TRIT1: variants seen among roughly 807,000 people sequenced by gnomAD.
TRIT1 encodes tRNA dimethylallyltransferase.
TRIT1 carries 43 observed loss-of-function variants against 51.2 expected under a neutral mutation model. The ratio of observed to expected loss-of-function variants is 0.84; its 90% CI spans 0.66 to 1.08. The LOEUF is 1.08. Among genes scored for constraint, TRIT1 ranks in the 50% least tolerant of loss-of-function variants. The probability of loss-of-function intolerance (pLI) is 0.00; values close to 1 mark genes in which losing one functional copy is unlikely to be tolerated. For synonymous variants in TRIT1, 184 were observed against 203.9 expected (o/e 0.90, Z 0.83); for missense variants, 528 against 578.4 (o/e 0.91, Z 0.89).
chr1:39,869,313 C>T (rs905705291), intron 1 of TRIT1, among the ~76,000 whole-genome samples: 2 of 152,224 alleles, frequency 1.3e-5, no homozygotes, highest in African/African-American at 4.8e-5. Flanking sequence ...CCGTGTTGGC[C>T]GGGCTGGTCT....
intron 1 of TRIT1, among the ~76,000 whole-genome samples, chr1:39,865,621 G>T (rs566578080): frequency 1.4e-5 from 2 of 142,220 alleles, no homozygotes; most frequent in South Asian, 4.4e-4. Flanking sequence ...CAGATCACTG[G>T]AGCCCAAAGT....
chr1:39,850,154 T>C lies in TRIT1; in HGVS notation c.668A>G (p.Asn223Ser). 1 of 1,614,110 alleles carries C rather than the reference T, an allele frequency of 6.2e-7. No individual in the cohort carries two copies. Among genetic ancestry groups the C allele is most frequent in the Non-Finnish European group, 8.5e-7 (1 of 1,180,012 alleles). Residue 223 changes from asparagine to serine, a missense_variant, in exon 5 of 11, where the codon AAC (asparagine) becomes AGC (serine). Physicochemically the swap from Asn to Ser is conservative, Grantham distance 46. Transcript: ENST00000316891. ...AGCATGAAGCCAAAGGATGCAAGGG[T>C]TAGAGAACTTCAGAGGACCTCCAAG... ...GPLGGPLKFS[N>S]PCILWLHADQ...
At chr1:39,873,543 A>C (rs953877054) in intron 1 of TRIT1, among the ~76,000 whole-genome samples, 1 of 152,232 alleles carries the variant, frequency 6.6e-6, no homozygotes, top group African/African-American at 2.4e-5. Flanking sequence ...CCTGAAATGG[A>C]AAAGGGACAT....
rs1009368822 is a variant in TRIT1 at position 39,852,480 on chromosome 1, C to A, written c.560+251G>T. 17 of 410,506 alleles carry A rather than the reference C, an allele frequency of 4.1e-5. No individual in the cohort carries two copies. In the Admixed American group the frequency reaches 7.1e-4, roughly 17 times the overall value. The allele number at this position is 410,506 out of a possible 1,614,324, so 25.4% of individuals were successfully genotyped here. A position where few individuals can be genotyped will look rare whatever the true frequency, so the allele number is the denominator to read the frequency against. On this transcript the variant is annotated intron_variant, in intron 4 of 10. Transcript: ENST00000316891. ...AAAGATCAAATAGAAAATGAAGCAA[C>A]ATTATATAGGCCCTAGGGGAAAACG...
chr1:39,866,207 C>G (rs1570086375), intron 1 of TRIT1, among the ~76,000 whole-genome samples: 1 of 152,026 alleles, frequency 6.6e-6, no homozygotes, highest in Non-Finnish European at 1.5e-5. Flanking sequence ...GACAGAGTCT[C>G]TGTCTCCCAG....
chr1:39,883,036 G>A (rs1286391226), intron 1 of TRIT1, among the ~76,000 whole-genome samples: 1 of 152,142 alleles, frequency 6.6e-6, no homozygotes, highest in African/African-American at 2.4e-5. Flanking sequence ...TATGTGACAT[G>A]GAAAAAATCG....
intron 3 of TRIT1, among the ~76,000 whole-genome samples, 154 bp from the exon 4 acceptor site, chr1:39,853,030 TA>T (rs1642677115): frequency 6.6e-6 from 1 of 152,220 alleles, no homozygotes; most frequent in African/African-American, 2.4e-5. Context: ...TATGCTGTGG[TA>T]AGTGCTATGA....
chr1:39,883,134 CGAT>C (rs568698323), intron 1 of TRIT1, among the ~76,000 whole-genome samples, 181 bp downstream of exon 1: 82 of 152,240 alleles, frequency 5.4e-4, no homozygotes, highest in African/African-American at 1.8e-3. Flanking sequence ...GTTGATGAGA[CGAT>C]GATAAGGGAA....
At chr1:39,868,558 C>T (rs1181463080) in intron 1 of TRIT1, among the ~76,000 whole-genome samples, 1 of 150,778 alleles carries the variant, frequency 6.6e-6, no homozygotes, top group African/African-American at 2.4e-5. Flanking sequence ...GCAGGAGAAT[C>T]ACTTGAACCC....
At chr1:39,868,802 G>A (rs1643696358) in intron 1 of TRIT1, among the ~76,000 whole-genome samples, 1 of 152,216 alleles carries the variant, frequency 6.6e-6, no homozygotes, top group Admixed American at 6.5e-5. Flanking sequence ...GCTCACGCCT[G>A]TAATCCCAGC....
At chr1:39,844,814 A>T (rs1211166172) in intron 8 of TRIT1, among the ~76,000 whole-genome samples, 174 bp from the exon 9 acceptor site, 2 of 152,252 alleles carry the variant, frequency 1.3e-5, no homozygotes, top group African/African-American at 4.8e-5. Context: ...TAGAGGTTTA[A>T]CTGCTCTGCA....
At chr1:39,880,268 T>TAAAAA (rs1553148795) in intron 1 of TRIT1, among the ~76,000 whole-genome samples, 159 of 94,360 alleles carry the variant, frequency 1.7e-3, no homozygotes, top group Middle Eastern at 7.9e-3. Context: ...AGACCTCAAA[T>TAAAAA]AAAAAAAAAA....
At chr1:39,873,932 T>G (rs1473408722) in intron 1 of TRIT1, among the ~76,000 whole-genome samples, 1 of 152,084 alleles carries the variant, frequency 6.6e-6, no homozygotes, top group Non-Finnish European at 1.5e-5. Context: ...GGAGAATTGC[T>G]TGAACCCGGG....
At chr1:39,874,304 C>T (rs1224866060) in intron 1 of TRIT1, among the ~76,000 whole-genome samples, 1 of 152,138 alleles carries the variant, frequency 6.6e-6, no homozygotes, top group Non-Finnish European at 1.5e-5. Context: ...TGTCTCTGGC[C>T]TCTACCCATT....
chr1:39,880,119 G>A (rs1367247948), intron 1 of TRIT1, among the ~76,000 whole-genome samples: 1 of 151,728 alleles, frequency 6.6e-6, no homozygotes, highest in African/African-American at 2.4e-5. Flanking sequence ...AGGTTGCAGT[G>A]AGCTGAGACA....
intron 1 of TRIT1, among the ~76,000 whole-genome samples, chr1:39,862,462 T>C (rs1643307355): frequency 6.6e-6 from 1 of 152,232 alleles, no homozygotes; most frequent in Non-Finnish European, 1.5e-5. Context: ...TGAAATTCAG[T>C]TGAGTTGTGG....
In TRIT1 at chr1:39,861,959, G is replaced by C. The variant is rs72666953; in HGVS notation, c.175-4542C>G. 9.0e-3 allele frequency among the ~76,000 whole-genome samples: 1,365 copies of C among 151,374 alleles called. 20 individuals are homozygous for C. Among genetic ancestry groups the C allele is most frequent in the African/African-American group, 0.031 (1,285 of 41,330 alleles). ...AAAAAAGAAAAAGAAAAAAAGAAAG[G>C]CATGAAATTATCACACATCCTACAA... is the stretch of plus-strand genomic sequence containing the variant. On this transcript the variant is annotated intron_variant, in intron 1 of 10. Transcript: ENST00000316891.
chr1:39,857,750 C>T (rs1642983389), intron 1 of TRIT1, among the ~76,000 whole-genome samples: 1 of 152,188 alleles, frequency 6.6e-6, no homozygotes, highest in Non-Finnish European at 1.5e-5. Flanking sequence ...GGTTGTTTTA[C>T]TTATCACAAG....
At chr1:39,878,177 A>G (rs1019014734) in intron 1 of TRIT1, among the ~76,000 whole-genome samples, 18 of 152,304 alleles carry the variant, frequency 1.2e-4, no homozygotes, top group African/African-American at 4.1e-4. Context: ...TAGAAAAAAA[A>G]AGAAAAAGAA....
Sources: gnomAD v4.1 joint callset for allele counts (sites outside exome capture counted in the v4.1 genomes callset) on GRCh38, gnomAD v4.1.1 for gene constraint, MANE v1.5 for transcripts, NCBI Gene and HGNC (gene_info 2026-07-23, HGNC 2026-07-21) for gene names.